Variants in MTARC1 observed in about 807,000 individuals in gnomAD.
MTARC1 encodes mitochondrial amidoxime-reducing component 1.
Under a neutral mutation model 33.6 loss-of-function variants are expected in MTARC1, and 24 were observed. That is an observed-to-expected ratio of 0.72 (90% CI 0.52 to 1.01). MTARC1 has a LOEUF of 1.01. Among genes scored for constraint, MTARC1 ranks in the 50% least tolerant of loss-of-function variants. The pLI is 0.00. For missense variants in MTARC1, 417 were observed against 445.7 expected (o/e 0.94, Z 0.58); for synonymous variants, 187 against 189.5 (o/e 0.99, Z 0.11).
chr1:220,809,491 CAATTT>C (rs144260621), intron 6 of MTARC1, among the ~76,000 whole-genome samples: 15 of 150,136 alleles, frequency 1.0e-4, no homozygotes, highest in African/African-American at 2.5e-4. Context: ...TCTAATTCTT[CAATTT>C]AATTTAATTT....
At chr1:220,805,345 T>C in intron 6 of MTARC1, 71 bp downstream of exon 6, 1 of 1,534,552 alleles carries the variant, frequency 6.5e-7, no homozygotes, top group Non-Finnish European at 9.0e-7. Flanking sequence ...TGTTGCTTAA[T>C]GTTTATAAGA....
intron 1 of MTARC1, among the ~76,000 whole-genome samples, chr1:220,787,651 T>TC (rs1333578399): frequency 6.6e-6 from 1 of 152,040 alleles, no homozygotes; most frequent in Non-Finnish European, 1.5e-5. Flanking sequence ...AGTCCAGCCC[T>TC]CCAAGAGCGC....
intron 6 of MTARC1, among the ~76,000 whole-genome samples, 199 bp from the exon 7 acceptor site, chr1:220,813,093 A>G (rs1028771512): frequency 6.6e-5 from 10 of 152,176 alleles, no homozygotes; most frequent in African/African-American, 2.4e-4. Context: ...GGATGTGGCC[A>G]TTGCTTATGC....
In MTARC1 at chr1:220,798,337, A is replaced by T. The variant is rs147494665; in HGVS notation, c.753+323A>T. 285 of 1,226,202 alleles carry T rather than the reference A, an allele frequency of 2.3e-4. No individual in the cohort carries two copies. In the African/African-American group the frequency reaches 4.2e-3, roughly 18 times the overall value. The allele number at this position is 1,226,202 out of a possible 1,614,324, so 76.0% of individuals were successfully genotyped here. A position where few individuals can be genotyped will look rare whatever the true frequency, so the allele number is the denominator to read the frequency against. On this transcript the variant is annotated intron_variant, in intron 4 of 6. Transcript: ENST00000366910. ...ATGATCTGTGTGGGCCATGGAACAA[A>T]GAAAGTGTGTGCTCCTGTCTTGTTA...
intron 2 of MTARC1, among the ~76,000 whole-genome samples, chr1:220,795,677 T>C (rs1672588231): frequency 6.6e-6 from 1 of 152,210 alleles, no homozygotes; most frequent in South Asian, 2.1e-4. Context: ...AAACTTTATA[T>C]GGCTACCTAT....
chr1:220,805,951 C>A (rs1236349709), intron 6 of MTARC1, among the ~76,000 whole-genome samples: 1 of 152,042 alleles, frequency 6.6e-6, no homozygotes, highest in African/African-American at 2.4e-5. Flanking sequence ...GCACTATTTA[C>A]TTTTTCATTT....
Position 220,805,033 on chromosome 1 carries a change from T to C in MTARC1, c.754-19T>C. 3.1e-6 allele frequency: 5 copies of C among 1,614,036 alleles called. No individual in the cohort carries two copies. The highest frequency in any genetic ancestry group is 8.5e-7 in the Non-Finnish European group (1 of 1,179,948). ...CAGGGCCCAGAGATGCTCATGGGAA[T>C]TTGTGCTTTGTCCCCTAGGATTCTT... is the stretch of plus-strand genomic sequence containing the variant. On this transcript the variant is annotated intron_variant, in intron 4 of 6. Transcript: ENST00000366910.
chr1:220,812,342 T>G (rs2102611777), intron 6 of MTARC1, among the ~76,000 whole-genome samples: 1 of 152,294 alleles, frequency 6.6e-6, no homozygotes, highest in South Asian at 2.1e-4. Context: ...CCACGGAAGG[T>G]TTGTGAGCCT....
At chr1:220,809,370 C>T (rs1673059765) in intron 6 of MTARC1, among the ~76,000 whole-genome samples, 1 of 152,226 alleles carries the variant, frequency 6.6e-6, no homozygotes, top group Non-Finnish European at 1.5e-5. Flanking sequence ...CCTGACCACA[C>T]TTCTTCCCAT....
At position 220,813,897 on chromosome 1, in the gene MTARC1, CCTTTT is replaced by C. The variant is rs1184941017; in HGVS notation, c.*483_*487del. ...CCAAATATGGCTGGAATGCCACTTC[CCTTTT>C]CTTCTCAAGCCCCGGGCTAGCTTTT... On this transcript the variant is annotated 3_prime_UTR_variant, in exon 7 of 7. Coordinates refer to ENST00000366910, the MANE Select transcript of MTARC1 (RefSeq NM_022746.4). 6.3e-6 allele frequency: 1 copy of C among 159,560 alleles called. No individual in the cohort carries two copies. The highest frequency in any genetic ancestry group is 1.4e-5 in the Non-Finnish European group (1 of 72,082). 9.9% of individuals were successfully genotyped at this position (159,560 alleles called of 1,614,324 possible). A position where few individuals can be genotyped will look rare whatever the true frequency, so the allele number is the denominator to read the frequency against.
chr1:220,787,642 G>A (rs1672276537), intron 1 of MTARC1, among the ~76,000 whole-genome samples: 1 of 152,126 alleles, frequency 6.6e-6, no homozygotes, highest in Non-Finnish European at 1.5e-5. Flanking sequence ...GAACTGTAGA[G>A]TCCAGCCCTC....
chr1:220,796,979 T>C (rs1250429566), intron 3 of MTARC1, among the ~76,000 whole-genome samples, 174 bp downstream of exon 3: 1 of 152,212 alleles, frequency 6.6e-6, no homozygotes, highest in Non-Finnish European at 1.5e-5. Context: ...TGTTTGTTTC[T>C]TTGTTTGGGG....
intron 1 of MTARC1, among the ~76,000 whole-genome samples, chr1:220,787,740 A>G (rs1482547570): frequency 1.3e-5 from 2 of 152,320 alleles, no homozygotes; most frequent in African/African-American, 4.8e-5. Context: ...TTGTAATCCC[A>G]GCACTTTGGG....
At chr1:220,813,270 T>C in intron 6 of MTARC1, 22 bp from the exon 7 acceptor site, 1 of 1,613,932 alleles carries the variant, frequency 6.2e-7, no homozygotes, top group South Asian at 1.1e-5. Context: ...CTGTGACTCA[T>C]CATGATCTTT....
intron 4 of MTARC1, among the ~76,000 whole-genome samples, chr1:220,802,438 T>G (rs1033053822): frequency 1.3e-5 from 2 of 152,232 alleles, no homozygotes; most frequent in Non-Finnish European, 2.9e-5. Flanking sequence ...TTCAAGCGAT[T>G]CTCCTGCCTC....
At chr1:220,797,703 A>G (rs1393555973) in intron 3 of MTARC1, 171 bp from the exon 4 acceptor site, 2 of 625,558 alleles carry the variant, frequency 3.2e-6, no homozygotes, top group South Asian at 2.1e-5. Context: ...CTGCAAGGCT[A>G]TTGAAAACTT....
At chr1:220,795,635 T>C (rs1421154890) in intron 2 of MTARC1, among the ~76,000 whole-genome samples, 1 of 152,236 alleles carries the variant, frequency 6.6e-6, no homozygotes. Flanking sequence ...TTTATGTGGC[T>C]ACCTATAAAC....
In MTARC1 at chr1:220,791,573, G is replaced by T; in HGVS notation, c.358G>T (p.Asp120Tyr). 6.2e-7 allele frequency: 1 copy of T among 1,614,138 alleles called. No individual in the cohort carries two copies. The highest frequency in any genetic ancestry group is 8.5e-7 in the Non-Finnish European group (1 of 1,180,032). ...CCTGGTCCTGATTTCCCTGACCTGC[G>T]ATGGTGACACCCTGACTCTCAGTGC... is the stretch of plus-strand genomic sequence containing the variant. ...PRLVLISLTCDGDTLTLSAAY... is the reference protein window; with the variant it reads ...PRLVLISLTCYGDTLTLSAAY... Residue 120 changes from aspartate (D) to tyrosine (Y), a missense_variant, in exon 2 of 7, where the codon GAT becomes TAT. Transcript: ENST00000366910.
At chr1:220,793,502 C>G (rs1219647191) in intron 2 of MTARC1, 2 of 152,182 alleles carry the variant, frequency 1.3e-5, no homozygotes, top group Non-Finnish European at 2.9e-5. Context: ...CTTCTGGATT[C>G]AGGTTTCTTT....
Sources: gnomAD v4.1 joint callset for allele counts (sites outside exome capture counted in the v4.1 genomes callset) on GRCh38, gnomAD v4.1.1 for gene constraint, MANE v1.5 for transcripts, NCBI Gene and HGNC (gene_info 2026-07-23, HGNC 2026-07-21) for gene names.